Variants in MAPKAP1 observed in about 807,000 individuals in gnomAD.
MAPKAP1 encodes the protein target of rapamycin complex 2 subunit MAPKAP1.
Under a neutral mutation model 65.7 loss-of-function variants are expected in MAPKAP1, and 20 were observed. That is an observed-to-expected ratio of 0.30 (90% CI 0.21 to 0.44). MAPKAP1 has a LOEUF of 0.44. Among genes scored for constraint, MAPKAP1 ranks in the 20% least tolerant of loss-of-function variants. The pLI, the probability that MAPKAP1 is intolerant of heterozygous loss-of-function variation, is 1.00. For missense variants in MAPKAP1, 423 were observed against 648.0 expected, an observed-to-expected ratio of 0.65 and a Z score of 3.77; for synonymous variants, 222 against 244.3, an observed-to-expected ratio of 0.91 and a Z score of 0.85.
At chr9:125,441,207 C>T (rs766072499) in intron 11 of MAPKAP1, among the ~76,000 whole-genome samples, 5 of 152,264 alleles carry the variant, frequency 3.3e-5, no homozygotes, top group South Asian at 4.1e-4. Flanking sequence ...CACTCAATCA[C>T]GAGAAGAACC....
At chr9:125,664,118 G>A (rs1834267116) in intron 3 of MAPKAP1, among the ~76,000 whole-genome samples, 1 of 152,020 alleles carries the variant, frequency 6.6e-6, no homozygotes, top group South Asian at 2.1e-4. Flanking sequence ...AGGCCGAGGA[G>A]GGTGGATTAC....
chr9:125,576,182 G>A (rs1831389430), intron 5 of MAPKAP1, among the ~76,000 whole-genome samples: 1 of 152,204 alleles, frequency 6.6e-6, no homozygotes, highest in South Asian at 2.1e-4. Context: ...GGTGGGTAGG[G>A]TTGAATAGAT....
chr9:125,644,725 T>G (rs974219654), intron 4 of MAPKAP1, among the ~76,000 whole-genome samples: 2 of 152,226 alleles, frequency 1.3e-5, no homozygotes, highest in Admixed American at 6.5e-5. Context: ...GGTTCTATTT[T>G]AATTTAATGC....
In MAPKAP1 at chr9:125,588,400, G is replaced by A. The variant is rs563287418; in HGVS notation, c.499-2673C>T. Among the ~76,000 whole-genome samples, 6 of 152,298 alleles carry A rather than the reference G, an allele frequency of 3.9e-5. No homozygotes were observed. The South Asian group carries it at 1.2e-3, about 32-fold the overall frequency. On this transcript the variant is annotated intron_variant, in intron 4 of 11. Transcript: ENST00000265960. ...GATTAGCGGTTGGCAGAAGATGACG[G>A]GGTGGGAAATTGGGAGGTATGAGGT...
At chr9:125,566,494 G>T (rs1831055562) in intron 5 of MAPKAP1, among the ~76,000 whole-genome samples, 1 of 152,100 alleles carries the variant, frequency 6.6e-6, no homozygotes, top group Non-Finnish European at 1.5e-5. Context: ...AGCCTGGGAG[G>T]ATGAGGCTGC....
rs565278281 is a variant in MAPKAP1, at chr9:125,607,956, C to G, written c.499-22229G>C. Reference sequence around the variant, plus strand: ...AATAAGACTGTATGGGGGCAAAGAGCAAACAAGTTACAAATCAACTTGTGG... The same window carrying G: ...AATAAGACTGTATGGGGGCAAAGAGGAAACAAGTTACAAATCAACTTGTGG... On this transcript the variant is annotated intron_variant, in intron 4 of 11. Transcript: ENST00000265960. Among the ~76,000 whole-genome samples, 3 of 152,294 alleles carry G rather than the reference C, an allele frequency of 2.0e-5. No individual in the cohort carries two copies. The South Asian group carries it at 6.2e-4, about 32-fold the overall frequency.
At chr9:125,442,857 G>A (rs925700827) in intron 11 of MAPKAP1, among the ~76,000 whole-genome samples, 2 of 152,236 alleles carry the variant, frequency 1.3e-5, no homozygotes, top group South Asian at 4.1e-4. Context: ...CATGGGGAAT[G>A]TGTCTCAATA....
intron 4 of MAPKAP1, among the ~76,000 whole-genome samples, chr9:125,600,394 C>T (rs1832268259): frequency 6.6e-6 from 1 of 152,130 alleles, no homozygotes; most frequent in Non-Finnish European, 1.5e-5. Flanking sequence ...CAGCCTTGAG[C>T]TGTGCAGCCT....
chr9:125,531,406 A>G (rs190701032), intron 7 of MAPKAP1, among the ~76,000 whole-genome samples: 1 of 152,382 alleles, frequency 6.6e-6, no homozygotes, highest in Admixed American at 6.5e-5. Flanking sequence ...AATGGAAAAA[A>G]GTATCTGGCA....
chr9:125,553,473 C>T (rs1382223867), intron 6 of MAPKAP1, among the ~76,000 whole-genome samples: 2 of 151,618 alleles, frequency 1.3e-5, no homozygotes, highest in Non-Finnish European at 2.9e-5. Context: ...GTCTGGGAGG[C>T]GGAGGTTGCA....
At chr9:125,652,296 T>C (rs1230651927) in intron 4 of MAPKAP1, 1 of 1,172,224 alleles carries the variant, frequency 8.5e-7, no homozygotes, top group Admixed American at 2.7e-5. Context: ...ATTTAAGGAC[T>C]ATCATCCCAA....
intron 4 of MAPKAP1, among the ~76,000 whole-genome samples, chr9:125,627,840 G>A (rs1258448981): frequency 6.6e-6 from 1 of 151,870 alleles, no homozygotes; most frequent in African/African-American, 2.4e-5. Flanking sequence ...GTTTTCATAG[G>A]CTGTTGGAGC....
chr9:125,493,024 T>TAC (rs1854793664), intron 8 of MAPKAP1, among the ~76,000 whole-genome samples: 1 of 151,858 alleles, frequency 6.6e-6, no homozygotes, highest in African/African-American at 2.4e-5. Flanking sequence ...CATGAGGACC[T>TAC]ACACAGGGAA....
intron 10 of MAPKAP1, among the ~76,000 whole-genome samples, chr9:125,453,878 C>T (rs1036828050): frequency 6.6e-6 from 1 of 152,126 alleles, no homozygotes; most frequent in African/African-American, 2.4e-5. Context: ...TGGAAATTTC[C>T]CAAAACTCTA....
intron 5 of MAPKAP1, among the ~76,000 whole-genome samples, chr9:125,563,728 A>ATTATTG (rs1723060807): frequency 6.7e-6 from 1 of 150,248 alleles, no homozygotes. Context: ...TATTATTATT[A>ATTATTG]TTTTTGAGAT....
intron 5 of MAPKAP1, among the ~76,000 whole-genome samples, chr9:125,575,550 A>C (rs1243193219): frequency 6.6e-6 from 1 of 152,244 alleles, no homozygotes; most frequent in Non-Finnish European, 1.5e-5. Flanking sequence ...AAAAATGGGC[A>C]AAAGATAAGA....
chr9:125,580,608 ACAC>A (rs1353818681), intron 5 of MAPKAP1, among the ~76,000 whole-genome samples: 1 of 151,994 alleles, frequency 6.6e-6, no homozygotes, highest in Non-Finnish European at 1.5e-5. Flanking sequence ...TGGGTGCAGC[ACAC>A]CAACATGGCA....
intron 1 of MAPKAP1, among the ~76,000 whole-genome samples, chr9:125,685,593 C>A (rs1309402939): frequency 2.0e-5 from 3 of 152,208 alleles, no homozygotes; most frequent in Non-Finnish European, 4.4e-5. Flanking sequence ...CCCTGGTTGC[C>A]ATGTTAAGGA....
Position 125,585,542 on chromosome 9 carries a change from G to C in MAPKAP1, c.671+13C>G. On this transcript the variant is annotated intron_variant, in intron 5 of 11. Transcript: ENST00000265960. ...CACAAGAAACTAGAGCAGCCAAAAA[G>C]AGAATGGATTACTTGAGCTTCGGCT... 2 of 1,611,834 alleles carry C rather than the reference G, an allele frequency of 1.2e-6. No homozygotes were observed. Among genetic ancestry groups the C allele is most frequent in the South Asian group, 1.1e-5 (1 of 90,994 alleles).
Sources: allele counts gnomAD v4.1 joint callset (sites outside exome capture counted in the v4.1 genomes callset), GRCh38; gene constraint gnomAD v4.1.1; transcripts MANE v1.5; gene names NCBI Gene and HGNC (gene_info 2026-07-23, HGNC 2026-07-21).